PCDHGA7: variants seen among roughly 807,000 people sequenced by gnomAD.
PCDHGA7 encodes the protein protocadherin gamma subfamily A, 7, also known as protocadherin gamma-A7.
PCDHGA7 carries 44 observed loss-of-function variants against 58.3 expected under a neutral mutation model. That is an observed-to-expected ratio of 0.75 (90% CI 0.59 to 0.97). The LOEUF is 0.97. PCDHGA7 is among the 50% of genes least tolerant of loss of function. The pLI is 0.00. For synonymous variants in PCDHGA7, 516 were observed against 504.2 expected (o/e 1.02, Z -0.31); for missense variants, 1,266 against 1,188.7 (o/e 1.06, Z -0.96).
At chr5:141,505,332 A>C in intron 2 of PCDHGA7, 61 bp from the exon 3 acceptor site, 1 of 1,610,872 alleles carries the variant, frequency 6.2e-7, no homozygotes, top group South Asian at 1.1e-5. Flanking sequence ...GGGAGAGGAC[A>C]GGAGGGGCAT....
chr5:141,390,790 G>C (rs2092232072), intron 1 of PCDHGA7: 2 of 166,124 alleles, frequency 1.2e-5, no homozygotes, highest in Admixed American at 1.2e-4. Flanking sequence ...TGTTTCAAAA[G>C]CTCTTAGAAT....
At chr5:141,510,828 C>T in intron 3 of PCDHGA7, 119 bp from the exon 4 acceptor site, 18 of 1,572,154 alleles carry the variant, frequency 1.1e-5, no homozygotes, top group Non-Finnish European at 1.6e-5. Context: ...ATTCCCAGTG[C>T]TCAGCGTGGT....
chr5:141,394,173 C>T, intron 1 of PCDHGA7: 1 of 1,613,948 alleles, frequency 6.2e-7, no homozygotes, highest in Non-Finnish European at 8.5e-7. Flanking sequence ...TACTTTCCCT[C>T]ATGCCTCCTA....
At chr5:141,497,079 C>T (rs564690352) in intron 2 of PCDHGA7, among the ~76,000 whole-genome samples, 2 of 151,982 alleles carry the variant, frequency 1.3e-5, no homozygotes, top group African/African-American at 4.8e-5. Flanking sequence ...ATCCCAGCGA[C>T]TTAGGAGGCT....
chr5:141,393,712 A>G, intron 1 of PCDHGA7: 1 of 1,613,874 alleles, frequency 6.2e-7, no homozygotes, highest in Non-Finnish European at 8.5e-7. Flanking sequence ...AATACTGGGG[A>G]AATATCAATA....
At chr5:141,421,700 C>A (rs755518757) in intron 1 of PCDHGA7, 2 of 1,613,900 alleles carry the variant, frequency 1.2e-6, no homozygotes, top group Non-Finnish European at 1.7e-6. Flanking sequence ...CTTCCTAATG[C>A]TAGGGATCCA....
chr5:141,398,525 T>A, intron 1 of PCDHGA7: 1 of 1,613,440 alleles, frequency 6.2e-7, no homozygotes, highest in Non-Finnish European at 8.5e-7. Flanking sequence ...ACGCCAAAAT[T>A]CACGCAAAAT....
chr5:141,413,762 C>T (rs538764130), intron 1 of PCDHGA7: 3 of 1,612,894 alleles, frequency 1.9e-6, no homozygotes, highest in Admixed American at 1.7e-5. Flanking sequence ...GTCAAGTACC[C>T]GGAGCTGGTA....
chr5:141,510,032 T>C (rs1410346284), intron 3 of PCDHGA7, among the ~76,000 whole-genome samples: 3 of 152,150 alleles, frequency 2.0e-5, no homozygotes, highest in Non-Finnish European at 4.4e-5. Flanking sequence ...GCTGGGCTGT[T>C]ATGTAGAGGT....
At chr5:141,408,400 G>A (rs2095097999) in intron 1 of PCDHGA7, 2 of 1,614,052 alleles carry the variant, frequency 1.2e-6, no homozygotes, top group Non-Finnish European at 1.7e-6. Flanking sequence ...CTCGCAAGCT[G>A]CGAGTGAGCG....
At chr5:141,404,819 A>G in intron 1 of PCDHGA7, 1 of 1,608,430 alleles carries the variant, frequency 6.2e-7, no homozygotes, top group South Asian at 1.1e-5. Flanking sequence ...GGGGCTGCAC[A>G]CAGGTGAAGT....
At chr5:141,414,762 T>G in intron 1 of PCDHGA7, 1 of 1,614,210 alleles carries the variant, frequency 6.2e-7, no homozygotes. Context: ...ATGAGCAGTT[T>G]CATGAGCTAC....
At position 141,491,422 on chromosome 5, in the gene PCDHGA7, G is replaced by T. The variant is rs1413549196; in HGVS notation, c.2425-3385G>T. 1 of 1,614,112 alleles carries T rather than the reference G, an allele frequency of 6.2e-7. No homozygotes were observed. The stretch of plus-strand genomic sequence containing the variant: ...AAACGCAGACGGGGACGGGGGTGGA[G>T]GGCAGTGCTGCAGGCGCCAGGACTC... On this transcript the variant is annotated intron_variant, in intron 1 of 3. Coordinates refer to ENST00000518325, the MANE Select transcript of PCDHGA7 (RefSeq NM_018920.4). The surrounding 1 kb of genome is among the most constrained non-coding windows in gnomAD (Gnocchi z 6.9).
At position 141,476,011 on chromosome 5, in the gene PCDHGA7, A is replaced by C. The variant is rs1415142555; in HGVS notation, c.2425-18796A>C. On this transcript the variant is annotated intron_variant, in intron 1 of 3. Coordinates refer to ENST00000518325, the MANE Select transcript of PCDHGA7 (RefSeq NM_018920.4). This position sits in a 1 kb window ranked among gnomAD's most constrained non-coding sequence, Gnocchi z 7.6. The stretch of plus-strand genomic sequence containing the variant: ...GCAAATCAACGGCATCCAGAAAGCC[A>C]TGTCGGACTCGGCGCCCAGCGCCCA... 2.3e-6 allele frequency: 3 copies of C among 1,311,164 alleles called. No homozygotes were observed. Among genetic ancestry groups the C allele is most frequent in the African/African-American group, 1.5e-5 (1 of 68,020 alleles). 81.2% of individuals were successfully genotyped at this position (1,311,164 alleles called of 1,614,324 possible).
chr5:141,476,070 C>T lies in PCDHGA7; in HGVS notation c.2425-18737C>T. ...CCCGCTGAAAGTTTCTCAGCGAAAT[C>T]TCAGGGACGATCTGGACCCCGCTGA... is the stretch of plus-strand genomic sequence containing the variant. On this transcript the variant is annotated intron_variant, in intron 1 of 3. Transcript: ENST00000518325. This position sits in a 1 kb window ranked among gnomAD's most constrained non-coding sequence, Gnocchi z 7.6. 6.6e-7 allele frequency: 1 copy of T among 1,522,382 alleles called. No individual in the cohort carries two copies. The highest frequency in any genetic ancestry group is 1.3e-5 in the South Asian group (1 of 77,762). 94.3% of individuals were successfully genotyped at this position (1,522,382 alleles called of 1,614,324 possible). A position where few individuals can be genotyped will look rare whatever the true frequency, so the allele number is the denominator to read the frequency against.
At position 141,388,323 on chromosome 5, in the gene PCDHGA7, C is replaced by T. The variant is rs534112048; in HGVS notation, c.2424+3000C>T. On this transcript the variant is annotated intron_variant, in intron 1 of 3. Coordinates refer to ENST00000518325, the MANE Select transcript of PCDHGA7 (RefSeq NM_018920.4). ...TGAGCTGCAAATAAGTGAGTCTGCA[C>T]AGCCTGGCACACGATTTATATTAGG... 54 of 1,613,894 alleles carry T rather than the reference C, an allele frequency of 3.3e-5. No individual in the cohort carries two copies. In the East Asian group the frequency reaches 1.2e-3, roughly 35 times the overall value.
chr5:141,454,101 A>T (rs2098781558), intron 1 of PCDHGA7, among the ~76,000 whole-genome samples: 1 of 152,256 alleles, frequency 6.6e-6, no homozygotes. Flanking sequence ...ATTGAACATA[A>T]ATGGAGTTAT....
chr5:141,400,314 CAA>C (rs1443669567), intron 1 of PCDHGA7: 1 of 1,613,960 alleles, frequency 6.2e-7, no homozygotes, highest in Non-Finnish European at 8.5e-7. Context: ...GTCTCTGTGT[CAA>C]GTCTGGACCT....
At position 141,490,649 on chromosome 5, in the gene PCDHGA7, G is replaced by C. The variant is rs1428223995; in HGVS notation, c.2425-4158G>C. 1 of 1,614,148 alleles carries C rather than the reference G, an allele frequency of 6.2e-7. No homozygotes were observed. Among genetic ancestry groups the C allele is most frequent in the Admixed American group, 1.7e-5 (1 of 60,018 alleles). On this transcript the variant is annotated intron_variant, in intron 1 of 3. Coordinates refer to ENST00000518325, the MANE Select transcript of PCDHGA7 (RefSeq NM_018920.4). The surrounding 1 kb of genome is among the most constrained non-coding windows in gnomAD (Gnocchi z 5.4). ...TACATCCTAGAAAACCGGCCTCCGG[G>C]CTCCCTTCTTTGCACTGTGGCTGCC...
Sources: gnomAD v4.1 joint callset for allele counts (sites outside exome capture counted in the v4.1 genomes callset) on GRCh38, gnomAD v4.1.1 for gene constraint, Gnocchi (gnomAD v3.1) non-coding constraint, MANE v1.5 for transcripts, NCBI Gene and HGNC (gene_info 2026-07-23, HGNC 2026-07-21) for gene names.